The following ANKRD42 variants were observed in gnomAD, a reference collection of about 807,000 sequenced individuals.
ANKRD42 encodes ankyrin repeat domain 42, also known as ankyrin repeat domain-containing protein 42.
ANKRD42 carries 43 observed loss-of-function variants against 51.5 expected under a neutral mutation model. That is an observed-to-expected ratio of 0.83 (90% CI 0.65 to 1.08). The LOEUF is 1.08. Among genes scored for constraint, ANKRD42 ranks in the 50% least tolerant of loss-of-function variants. The probability of loss-of-function intolerance (pLI) is 0.00; values close to 1 mark genes in which losing one functional copy is unlikely to be tolerated. For synonymous variants in ANKRD42, 203 were observed against 213.0 expected (o/e 0.95, Z 0.41); for missense variants, 608 against 629.3 (o/e 0.97, Z 0.36).
At chr11:83,195,260 T>A (rs1006083456) in intron 1 of ANKRD42, among the ~76,000 whole-genome samples, 6 of 152,232 alleles carry the variant, frequency 3.9e-5, no homozygotes, top group African/African-American at 1.4e-4. Context: ...AAATATTTAC[T>A]GCATATGCCT....
rs927111291 is a variant in ANKRD42 at position 83,236,507 on chromosome 11, GA to G, written c.1018del (p.Arg340GlyfsTer8). 2 of 1,606,118 alleles carry G rather than the reference GA, an allele frequency of 1.2e-6. No homozygotes were observed. Among genetic ancestry groups the G allele is most frequent in the African/African-American group, 2.7e-5 (2 of 74,810 alleles). ...AGERPSDVAK[R>X]FAHLAAVKLL... ...GGGAGAGACCCAGTGATGTGGCAAAGAGGTATAAATCTCTGTCTTCTTTACT... is the reference window on the plus strand; with the variant it reads ...GGGAGAGACCCAGTGATGTGGCAAAGGGTATAAATCTCTGTCTTCTTTACT... On this transcript the variant is annotated frameshift_variant and splice_region_variant, in exon 8 of 11. Coordinates refer to ENST00000533342, the MANE Select transcript of ANKRD42 (RefSeq NM_001300975.2). LOFTEE classifies it high-confidence loss of function.
intron 2 of ANKRD42, among the ~76,000 whole-genome samples, chr11:83,203,395 T>C (rs1590963872): frequency 7.6e-6 from 1 of 131,006 alleles, no homozygotes; most frequent in South Asian, 2.3e-4. Flanking sequence ...TTTTTCTTTC[T>C]TTTTTTTTTT....
chr11:83,243,268 G>A (rs889546964), intron 9 of ANKRD42, among the ~76,000 whole-genome samples: 7 of 152,154 alleles, frequency 4.6e-5, no homozygotes, highest in African/African-American at 1.7e-4. Context: ...CCATGTGTAT[G>A]TCTTCTTTTG....
chr11:83,228,390 G>A (rs867137071), intron 7 of ANKRD42, among the ~76,000 whole-genome samples: 1 of 151,294 alleles, frequency 6.6e-6, no homozygotes, highest in Non-Finnish European at 1.5e-5. Context: ...CACCACACCC[G>A]GCTAATTTTT....
chr11:83,231,702 T>G (rs1344453528), intron 7 of ANKRD42, among the ~76,000 whole-genome samples: 1 of 152,244 alleles, frequency 6.6e-6, no homozygotes, highest in African/African-American at 2.4e-5. Flanking sequence ...GATTTAAGTC[T>G]TTATTCCATT....
At chr11:83,263,642 C>T (rs1183994847), downstream of ANKRD42, among the ~76,000 whole-genome samples, 1 of 152,096 alleles carries the variant, frequency 6.6e-6, no homozygotes, top group Non-Finnish European at 1.5e-5. Flanking sequence ...GGCGTCTGAC[C>T]CACGATGAAC....
At chr11:83,257,264 T>C, downstream of ANKRD42, 1 of 455,224 alleles carries the variant, frequency 2.2e-6, no homozygotes, top group Non-Finnish European at 4.4e-6. Context: ...TGGGGTATGG[T>C]GAGAGGGCTC....
chr11:83,241,986 C>T (rs571884304), intron 9 of ANKRD42, among the ~76,000 whole-genome samples: 1 of 152,256 alleles, frequency 6.6e-6, no homozygotes, highest in Non-Finnish European at 1.5e-5. Context: ...TAGAATTGTA[C>T]AAGAGCAGAC....
At position 83,248,318 on chromosome 11, in the gene ANKRD42, CACA is replaced by C; in HGVS notation, c.*115_*117del. On this transcript the variant is annotated 3_prime_UTR_variant, in exon 11 of 11. Transcript: ENST00000533342. Reference sequence around the variant, plus strand: ...GAATACACACACACACACACACACACACACACACACACACACACTCTATATGTA... The same window carrying C: ...GAATACACACACACACACACACACACCACACACACACACACTCTATATGTA... 7.0e-7 allele frequency: 1 copy of C among 1,418,882 alleles called. No individual in the cohort carries two copies. The highest frequency in any genetic ancestry group is 9.1e-7 in the Non-Finnish European group (1 of 1,093,222). The allele number at this position is 1,418,882 out of a possible 1,614,324, so 87.9% of individuals were successfully genotyped here.
chr11:83,215,090 T>C (rs1862480578), intron 5 of ANKRD42: 1 of 152,368 alleles, frequency 6.6e-6, no homozygotes, highest in African/African-American at 2.4e-5. Flanking sequence ...TATATTTCGT[T>C]GTGAATATAC....
chr11:83,214,665 G>T (rs900266876), intron 5 of ANKRD42: 47 of 644,556 alleles, frequency 7.3e-5, no homozygotes, highest in Non-Finnish European at 8.5e-5. Context: ...ATTTGATAAT[G>T]TATAAAGATC....
intron 5 of ANKRD42, among the ~76,000 whole-genome samples, chr11:83,224,093 C>T (rs935685156): frequency 2.6e-5 from 4 of 151,630 alleles, no homozygotes; most frequent in South Asian, 2.1e-4. Flanking sequence ...TAAAAAATAC[C>T]TTTTCTGTTA....
At chr11:83,202,373 T>C (rs1230629218) in intron 2 of ANKRD42, among the ~76,000 whole-genome samples, 1 of 152,236 alleles carries the variant, frequency 6.6e-6, no homozygotes, top group African/African-American at 2.4e-5. Context: ...ACCAGTACCA[T>C]GCTGTTTTGG....
rs1863613709 is a variant in ANKRD42 at position 83,248,639 on chromosome 11, A to C, written c.*435A>C. ...GTGTCACCTCAAATCTGATCTATTA[A>C]TATTATAGAATCTTCCTGGCTTCTT... On this transcript the variant is annotated 3_prime_UTR_variant, in exon 11 of 11. Coordinates refer to ENST00000533342, the MANE Select transcript of ANKRD42 (RefSeq NM_001300975.2). 1.1e-5 allele frequency: 11 copies of C among 985,482 alleles called. No homozygotes were observed. The South Asian group carries it at 5.2e-4, about 46-fold the overall frequency. 61.0% of individuals were successfully genotyped at this position (985,482 alleles called of 1,614,324 possible).
At chr11:83,255,726 A>G (rs1863759384) in intron 11 of ANKRD42, 1 of 677,418 alleles carries the variant, frequency 1.5e-6, no homozygotes, top group Non-Finnish European at 2.4e-6. Flanking sequence ...AAGAAATTTA[A>G]TCAGAGTTGA....
Position 83,227,781 on chromosome 11 carries a change from G to A in ANKRD42, c.822G>A (p.Lys274=), listed in dbSNP as rs780249161. The part of the protein sequence containing the change: ...LAFPGHVAAF[K]GDLGMLKKLV... ...TTCCAGGTCATGTGGCTGCCTTTAA[G>A]GGTGATTTGGGGATGCTTAAGAAAT... Residue 274 remains lysine, a synonymous_variant, in exon 7 of 11, where the codon AAG becomes AAA. Coordinates refer to ENST00000533342, the MANE Select transcript of ANKRD42 (RefSeq NM_001300975.2). 1 of 1,613,054 alleles carries A rather than the reference G, an allele frequency of 6.2e-7. No individual in the cohort carries two copies. The highest frequency in any genetic ancestry group is 8.5e-7 in the Non-Finnish European group (1 of 1,179,714).
intron 9 of ANKRD42, 132 bp from the exon 10 acceptor site, chr11:83,245,366 C>A (rs1285405123): frequency 2.2e-6 from 2 of 924,662 alleles, no homozygotes; most frequent in East Asian, 5.3e-5. Flanking sequence ...ATATACCAAC[C>A]TTCCTCCACC....
intron 8 of ANKRD42, among the ~76,000 whole-genome samples, chr11:83,239,447 G>A (rs935239396): frequency 7.2e-5 from 11 of 151,966 alleles, no homozygotes; most frequent in African/African-American, 2.4e-4. Context: ...TATGATTTTG[G>A]TGTCATATCT....
intron 9 of ANKRD42, among the ~76,000 whole-genome samples, chr11:83,241,814 A>G (rs1863396483): frequency 6.6e-6 from 1 of 152,320 alleles, no homozygotes; most frequent in Non-Finnish European, 1.5e-5. Context: ...TAAAAACAGT[A>G]TCACTCTACC....
Sources: allele counts gnomAD v4.1 joint callset (sites outside exome capture counted in the v4.1 genomes callset), GRCh38; gene constraint gnomAD v4.1.1; transcripts MANE v1.5; gene names NCBI Gene and HGNC (gene_info 2026-07-23, HGNC 2026-07-21).